The following EMB variants were observed in gnomAD, a reference collection of about 807,000 sequenced individuals.
The protein encoded by EMB is embigin homolog.
In EMB, 31 loss-of-function variants were observed where a neutral mutation model predicts 41.4. The observed-to-expected ratio is 0.75, with a 90% confidence interval of 0.56 to 1.01. The LOEUF is 1.01. EMB is among the 50% of genes least tolerant of loss of function. The pLI, the probability that EMB is intolerant of heterozygous loss-of-function variation, is 0.00. For synonymous variants in EMB, 137 were observed against 140.4 expected (o/e 0.98, Z 0.17); for missense variants, 379 against 388.3 (o/e 0.98, Z 0.20).
Position 50,396,593 on chromosome 5 carries a change from A to C in EMB, c.*2680T>G, listed in dbSNP as rs1745069892. ...AGTGTGAAGAGCACTTTCTGAGCGG[A>C]ATCTCCATGTGCCAAGTCTAGTTCA... On this transcript the variant is annotated 3_prime_UTR_variant, in exon 9 of 9. Coordinates refer to ENST00000303221, the MANE Select transcript of EMB (RefSeq NM_198449.3). The C allele has an allele frequency of 6.6e-6, 1 of 152,136 alleles. No individual in the cohort carries two copies. Among genetic ancestry groups the C allele is most frequent in the South Asian group, 2.1e-4 (1 of 4,834 alleles). The allele number at this position is 152,136 out of a possible 1,614,324, so 9.4% of individuals were successfully genotyped here.
chr5:50,436,369 C>T (rs1216998797), intron 1 of EMB, among the ~76,000 whole-genome samples: 1 of 152,154 alleles, frequency 6.6e-6, no homozygotes, highest in Admixed American at 6.5e-5. Context: ...TTTCATTCTT[C>T]TCTAGTGAAA....
chr5:50,413,572 TTTTC>T (rs773146227), intron 2 of EMB, among the ~76,000 whole-genome samples: 45 of 151,920 alleles, frequency 3.0e-4, no homozygotes, highest in Middle Eastern at 3.4e-3. Flanking sequence ...GGTTTTTTCT[TTTTC>T]TTTCTTTCTT....
chr5:50,442,442 G>C (rs950076370), upstream of EMB, among the ~76,000 whole-genome samples: 1 of 152,002 alleles, frequency 6.6e-6, no homozygotes, highest in African/African-American at 2.4e-5. Flanking sequence ...TTATCTACCA[G>C]GTGCCAATCT....
intron 1 of EMB, among the ~76,000 whole-genome samples, chr5:50,430,339 C>T (rs527417658): frequency 6.6e-6 from 1 of 152,322 alleles, no homozygotes; most frequent in East Asian, 1.9e-4. Context: ...TCTTATTATA[C>T]TCTTTATCCC....
chr5:50,443,295 A>G (rs1286948337), upstream of EMB: 1 of 152,182 alleles, frequency 6.6e-6, no homozygotes, highest in Non-Finnish European at 1.5e-5. Context: ...TTCACGGCTC[A>G]CTGCAGCCTT....
chr5:50,437,210 G>A (rs1018083929), intron 1 of EMB, among the ~76,000 whole-genome samples: 10 of 152,304 alleles, frequency 6.6e-5, no homozygotes, highest in African/African-American at 2.2e-4. Context: ...GGTCAAGGCT[G>A]CCCTGAGCCA....
At chr5:50,406,957 T>C (rs1261543764) in intron 4 of EMB, among the ~76,000 whole-genome samples, 4 of 151,950 alleles carry the variant, frequency 2.6e-5, no homozygotes, top group African/African-American at 9.7e-5. Flanking sequence ...CCACACTTCC[T>C]GAGTTCCATC....
At chr5:50,406,688 ATTATT>A (rs1745254770) in intron 4 of EMB, among the ~76,000 whole-genome samples, 1 of 151,830 alleles carries the variant, frequency 6.6e-6, no homozygotes, top group African/African-American at 2.4e-5. Flanking sequence ...ATCAACTAAG[ATTATT>A]TTGTTAATTT....
chr5:50,432,750 TAAAAA>T (rs35639181), intron 1 of EMB, among the ~76,000 whole-genome samples: 5 of 98,930 alleles, frequency 5.1e-5, no homozygotes, highest in East Asian at 3.8e-4. Flanking sequence ...GAAAAACAAG[TAAAAA>T]AAAAAAAAAA....
intron 5 of EMB, among the ~76,000 whole-genome samples, chr5:50,404,752 A>G (rs1451329142): frequency 6.6e-6 from 1 of 151,936 alleles, no homozygotes; most frequent in Non-Finnish European, 1.5e-5. Context: ...CTCATCATCC[A>G]TCAGAAGACA....
intron 1 of EMB, among the ~76,000 whole-genome samples, chr5:50,434,830 A>G (rs1399591673): frequency 6.6e-6 from 1 of 152,210 alleles, no homozygotes; most frequent in African/African-American, 2.4e-5. Flanking sequence ...AATTTTTATT[A>G]GGAGTAGAGT....
intron 5 of EMB, among the ~76,000 whole-genome samples, chr5:50,404,315 G>A (rs1398131446): frequency 1.3e-5 from 2 of 151,864 alleles, no homozygotes; most frequent in African/African-American, 2.4e-5. Flanking sequence ...GGCACCATGT[G>A]CACAACACTG....
chr5:50,439,796 C>G (rs1464766109), intron 1 of EMB, among the ~76,000 whole-genome samples: 1 of 152,126 alleles, frequency 6.6e-6, no homozygotes, highest in South Asian at 2.1e-4. Context: ...CCACATCTTA[C>G]AAGCCCATGA....
intron 1 of EMB, among the ~76,000 whole-genome samples, chr5:50,429,968 TTCTCTCTCTCTCTCTCTC>T (rs780667856): frequency 1.6e-5 from 1 of 62,082 alleles, no homozygotes; most frequent in Non-Finnish European, 3.5e-5. Flanking sequence ...CCAACTCTCT[TTCTCTCTCTCTCTCTCTC>T]TCTCTCTCTC....
chr5:50,408,166 T>A (rs1052495466), intron 4 of EMB, among the ~76,000 whole-genome samples: 10 of 152,150 alleles, frequency 6.6e-5, no homozygotes, highest in African/African-American at 2.4e-4. Flanking sequence ...CTACATTTGG[T>A]ACTATCAAAA....
chr5:50,421,689 T>C (rs924981098), intron 2 of EMB, among the ~76,000 whole-genome samples: 1 of 151,720 alleles, frequency 6.6e-6, no homozygotes, highest in Non-Finnish European at 1.5e-5. Context: ...ATGTGGCACA[T>C]ATACACCATG....
intron 5 of EMB, 43 bp from the exon 6 acceptor site, chr5:50,403,497 TAA>T: frequency 1.3e-6 from 2 of 1,586,906 alleles, no homozygotes; most frequent in Non-Finnish European, 1.7e-6. Flanking sequence ...TCATAGCACA[TAA>T]AAGATACATG....
At chr5:50,408,763 A>G (rs1486575716) in intron 4 of EMB, among the ~76,000 whole-genome samples, 2 of 152,116 alleles carry the variant, frequency 1.3e-5, no homozygotes, top group Non-Finnish European at 2.9e-5. Context: ...TAGGACATTT[A>G]TAAAAATACA....
chr5:50,396,532 C>T lies in EMB; in HGVS notation c.*2741G>A, dbSNP rs1281547444. ...CTAAGACACAAGATCAGATTAAAGT[C>T]TTGAAAGATAATCTGGGGTTAGTCA... On this transcript the variant is annotated 3_prime_UTR_variant, in exon 9 of 9. Coordinates refer to ENST00000303221, the MANE Select transcript of EMB (RefSeq NM_198449.3). 1 of 152,058 alleles carries T rather than the reference C, an allele frequency of 6.6e-6. No individual in the cohort carries two copies. The allele number at this position is 152,058 out of a possible 1,614,324, so 9.4% of individuals were successfully genotyped here.
Sources: gnomAD v4.1 joint callset for allele counts (sites outside exome capture counted in the v4.1 genomes callset) on GRCh38, gnomAD v4.1.1 for gene constraint, MANE v1.5 for transcripts, NCBI Gene and HGNC (gene_info 2026-07-23, HGNC 2026-07-21) for gene names.